SORCS1: variants seen among roughly 807,000 people sequenced by gnomAD.
The protein encoded by SORCS1 is sortilin related VPS10 domain containing receptor 1, also known as VPS10 domain-containing receptor SorCS1.
In SORCS1, 60 loss-of-function variants were observed where a neutral mutation model predicts 146.1. That is an observed-to-expected ratio of 0.41 (90% CI 0.33 to 0.51). The LOEUF is 0.51. SORCS1 is among the 20% of genes least tolerant of loss of function. SORCS1 has a pLI of 0.21. For synonymous variants in SORCS1, 637 were observed against 584.0 expected, an observed-to-expected ratio of 1.09 and a Z score of -1.31; for missense variants, 1,352 against 1,487.6, an observed-to-expected ratio of 0.91 and a Z score of 1.50.
intron 3 of SORCS1, among the ~76,000 whole-genome samples, chr10:106,800,324 ATACT>A (rs1432074569): frequency 6.6e-6 from 1 of 152,294 alleles, no homozygotes; most frequent in African/African-American, 2.4e-5. Context: ...ATGCTAAGTG[ATACT>A]TACATAAAAC....
At chr10:106,602,826 G>A (rs150992154) in intron 23 of SORCS1, among the ~76,000 whole-genome samples, 6 of 152,174 alleles carry the variant, frequency 3.9e-5, no homozygotes, top group African/African-American at 1.4e-4. Flanking sequence ...GGACTGATAA[G>A]CAAAATGTGT....
chr10:107,095,670 C>T (rs2225176), intron 1 of SORCS1, among the ~76,000 whole-genome samples: 86,655 of 151,892 alleles, frequency 0.57, 25,807 homozygotes, highest in Middle Eastern at 0.72. Context: ...TCACAGTGTA[C>T]AAATTTTAAA....
chr10:106,597,146 C>T (rs1405689106), intron 24 of SORCS1, among the ~76,000 whole-genome samples: 1 of 152,192 alleles, frequency 6.6e-6, no homozygotes, highest in Non-Finnish European at 1.5e-5. Context: ...GCCACTGAAC[C>T]CAGCTGAAAG....
intron 5 of SORCS1, among the ~76,000 whole-genome samples, chr10:106,760,731 ACACACG>A (rs756891976): frequency 6.9e-6 from 1 of 144,754 alleles, no homozygotes; most frequent in Non-Finnish European, 1.5e-5. Context: ...ACACACACAC[ACACACG>A]CACATTTGGC....
intron 1 of SORCS1, among the ~76,000 whole-genome samples, chr10:106,965,488 G>A (rs987614269): frequency 6.6e-6 from 1 of 152,174 alleles, no homozygotes; most frequent in Non-Finnish European, 1.5e-5. Context: ...GTGTACCACT[G>A]TGTGATTTTC....
chr10:107,177,317 T>A, the SORCS1 span, among the ~76,000 whole-genome samples: 5 of 152,172 alleles, frequency 3.3e-5, no homozygotes, highest in Admixed American at 3.3e-4. Flanking sequence ...GTAGTGGTGA[T>A]AAATAAATAC....
chr10:106,882,000 C>T (rs1045685272), intron 2 of SORCS1, among the ~76,000 whole-genome samples: 1 of 152,098 alleles, frequency 6.6e-6, no homozygotes, highest in Non-Finnish European at 1.5e-5. Context: ...TTCAGATGCT[C>T]CACGGAGGCA....
chr10:106,808,082 G>A (rs149363939), intron 3 of SORCS1, among the ~76,000 whole-genome samples: 5,188 of 152,298 alleles, frequency 0.034, 113 homozygotes, highest in African/African-American at 0.061. Flanking sequence ...GCGCAATGGC[G>A]CGACCTTGGA....
chr10:107,087,149 G>A (rs545076530), intron 1 of SORCS1, among the ~76,000 whole-genome samples: 208 of 152,246 alleles, frequency 1.4e-3, no homozygotes, highest in Non-Finnish European at 2.4e-3. Flanking sequence ...CTTTAAGTCC[G>A]TCTTGGGGTT....
At chr10:106,834,307 G>A (rs1211816369) in intron 2 of SORCS1, among the ~76,000 whole-genome samples, 3 of 152,204 alleles carry the variant, frequency 2.0e-5, no homozygotes, top group Non-Finnish European at 4.4e-5. Context: ...CCCTAGGTAT[G>A]GGAGAGGACA....
intron 1 of SORCS1, among the ~76,000 whole-genome samples, chr10:107,125,798 G>A (rs183527736): frequency 6.6e-6 from 1 of 152,188 alleles, no homozygotes; most frequent in African/African-American, 2.4e-5. Context: ...AAGTTTAATA[G>A]GATTTTAACA....
intron 3 of SORCS1, among the ~76,000 whole-genome samples, chr10:106,804,297 C>T (rs954900611): frequency 6.6e-6 from 1 of 151,162 alleles, no homozygotes. Flanking sequence ...TGCATGACTG[C>T]ACTCTAGACT....
the SORCS1 span, among the ~76,000 whole-genome samples, chr10:107,173,880 T>C: frequency 6.6e-6 from 1 of 152,218 alleles, no homozygotes; most frequent in Non-Finnish European, 1.5e-5. Context: ...GAATTTTCTA[T>C]TCTCCTTAAT....
At chr10:107,010,225 C>T (rs1403216894) in intron 1 of SORCS1, among the ~76,000 whole-genome samples, 1 of 152,138 alleles carries the variant, frequency 6.6e-6, no homozygotes, top group East Asian at 1.9e-4. Context: ...TGTTTTAATA[C>T]TTTCTAAAGG....
intron 6 of SORCS1, among the ~76,000 whole-genome samples, chr10:106,725,211 G>A (rs1020667455): frequency 2.0e-5 from 3 of 152,074 alleles, no homozygotes; most frequent in East Asian, 3.9e-4. Flanking sequence ...TACTCTACAG[G>A]ATGTACAACC....
At chr10:106,844,442 G>T (rs1417083309) in intron 2 of SORCS1, among the ~76,000 whole-genome samples, 1 of 151,732 alleles carries the variant, frequency 6.6e-6, no homozygotes, top group Admixed American at 6.6e-5. Context: ...CATGGTTTCA[G>T]GACTTATGTT....
rs191542226 is a variant in SORCS1 at position 106,579,226 on chromosome 10, C to G, written c.3371+143G>C. Reference sequence around the variant, plus strand: ...TGTTCTTTCTCATTCTGCATCTGGGCATAAACATTAATCCCCGGGATCTTC... The same window carrying G: ...TGTTCTTTCTCATTCTGCATCTGGGGATAAACATTAATCCCCGGGATCTTC... On this transcript the variant is annotated intron_variant, in intron 25 of 25. Coordinates refer to ENST00000263054, the MANE Select transcript of SORCS1 (RefSeq NM_052918.5). The G allele has an allele frequency of 2.5e-6, 4 of 1,613,960 alleles. No homozygotes were observed. The Admixed American group carries it at 6.7e-5, about 27-fold the overall frequency.
chr10:106,956,732 G>A (rs374152300), intron 1 of SORCS1, 152 bp from the exon 2 acceptor site: 3 of 683,016 alleles, frequency 4.4e-6, no homozygotes, highest in African/African-American at 3.6e-5. Context: ...CTGGGGAAAG[G>A]TTGGCTTGTC....
chr10:106,783,374 C>T (rs565254331), intron 3 of SORCS1, among the ~76,000 whole-genome samples: 95 of 152,238 alleles, frequency 6.2e-4, no homozygotes, highest in Non-Finnish European at 1.2e-3. Flanking sequence ...TGCAGAGATT[C>T]GTGTGAAGAT....
Sources: gnomAD v4.1 joint callset for allele counts (sites outside exome capture counted in the v4.1 genomes callset) on GRCh38, gnomAD v4.1.1 for gene constraint, MANE v1.5 for transcripts, NCBI Gene and HGNC (gene_info 2026-07-23, HGNC 2026-07-21) for gene names.